EXT2: variants seen among roughly 807,000 people sequenced by gnomAD.
The protein encoded by EXT2 is exostosin glycosyltransferase 2, also known as exostosin-2.
Under a neutral mutation model 81.6 loss-of-function variants are expected in EXT2, and 53 were observed. The observed-to-expected ratio is 0.65, with a 90% CI of 0.52 to 0.82. EXT2 has a LOEUF of 0.82. EXT2 is among the 40% of genes least tolerant of loss of function. The pLI is 0.00. For synonymous variants in EXT2, 320 were observed against 340.0 expected, an observed-to-expected ratio of 0.94 and a Z score of 0.65; for missense variants, 774 against 910.2, an observed-to-expected ratio of 0.85 and a Z score of 1.93.
At chr11:44,216,574 G>A (rs1955722320) in intron 10 of EXT2, among the ~76,000 whole-genome samples, 1 of 152,162 alleles carries the variant, frequency 6.6e-6, no homozygotes, top group Non-Finnish European at 1.5e-5. Flanking sequence ...TGCCTGTACT[G>A]AGGAATAACG....
intron 7 of EXT2, among the ~76,000 whole-genome samples, chr11:44,135,672 A>G (rs1297865044): frequency 6.6e-6 from 1 of 152,198 alleles, no homozygotes; most frequent in Non-Finnish European, 1.5e-5. Context: ...GATTACAGGC[A>G]TGAGCCACTG....
chr11:44,223,382 G>A (rs1436106141), intron 10 of EXT2, among the ~76,000 whole-genome samples: 1 of 152,154 alleles, frequency 6.6e-6, no homozygotes, highest in East Asian at 1.9e-4. Flanking sequence ...ATCAGCCCAG[G>A]CATCCTTCAG....
At chr11:44,139,190 T>G (rs1455757400) in intron 7 of EXT2, among the ~76,000 whole-genome samples, 1 of 151,700 alleles carries the variant, frequency 6.6e-6, no homozygotes, top group Non-Finnish European at 1.5e-5. Context: ...AGTGACTCTT[T>G]AGCTGACCTT....
chr11:44,202,986 G>T (rs1176353745), intron 9 of EXT2, among the ~76,000 whole-genome samples: 1 of 152,156 alleles, frequency 6.6e-6, no homozygotes, highest in Non-Finnish European at 1.5e-5. Flanking sequence ...ACCTAAGTTA[G>T]TGCATTTGAA....
intron 1 of EXT2, among the ~76,000 whole-genome samples, chr11:44,107,056 G>A (rs1387391341): frequency 6.6e-6 from 1 of 152,032 alleles, no homozygotes; most frequent in African/African-American, 2.4e-5. Context: ...GCCTTGGTCA[G>A]AGCCCTCCTT....
In EXT2 at chr11:44,096,148, C is replaced by T. The variant is rs1224105925; in HGVS notation, c.-31+296C>T. On this transcript the variant is annotated intron_variant, in intron 1 of 13. Transcript: ENST00000533608. The stretch of plus-strand genomic sequence containing the variant: ...CTAGCCAACCTTCGCCCCCAGTCCG[C>T]TCCTTCCTTTCCTCCTGCGACCCGC... The T allele has an allele frequency of 2.7e-6, 3 of 1,131,472 alleles. No individual in the cohort carries two copies. The Admixed American group carries it at 5.9e-5, about 22-fold the overall frequency. 70.1% of individuals were successfully genotyped at this position (1,131,472 alleles called of 1,614,324 possible). A position where few individuals can be genotyped will look rare whatever the true frequency, so the allele number is the denominator to read the frequency against.
chr11:44,187,757 A>T (rs1382367304), intron 8 of EXT2, among the ~76,000 whole-genome samples: 2 of 152,186 alleles, frequency 1.3e-5, no homozygotes, highest in African/African-American at 4.8e-5. Context: ...AAAAGGTAGC[A>T]TTCCGTTAGC....
chr11:44,217,363 T>C (rs1417959224), intron 10 of EXT2, among the ~76,000 whole-genome samples: 5 of 152,176 alleles, frequency 3.3e-5, no homozygotes, highest in Non-Finnish European at 7.3e-5. Flanking sequence ...ATTTATTTAA[T>C]TGGAAGAAAA....
At position 44,135,390 on chromosome 11, in the gene EXT2, C is replaced by CTTT. The variant is rs10707708; in HGVS notation, c.1173+5269_1173+5271dup. On this transcript the variant is annotated intron_variant, in intron 7 of 13. Transcript: ENST00000533608. The stretch of plus-strand genomic sequence containing the variant: ...GGTATGAATAAAGAGGATGGAAATA[C>CTTT]TTTTTTTTTTTTTTTTTTTGAGACA... Among the ~76,000 whole-genome samples, 1,023 of 116,270 alleles carry CTTT rather than the reference C, an allele frequency of 8.8e-3. 18 individuals carry two copies. The highest frequency in any genetic ancestry group is 0.03 in the African/African-American group (987 of 32,950). 76.3% of individuals were successfully genotyped at this position (116,270 alleles called of 152,430 possible). A position where few individuals can be genotyped will look rare whatever the true frequency, so the allele number is the denominator to read the frequency against.
intron 10 of EXT2, among the ~76,000 whole-genome samples, chr11:44,215,356 T>G (rs1955705180): frequency 6.6e-6 from 1 of 152,242 alleles, no homozygotes; most frequent in Non-Finnish European, 1.5e-5. Context: ...TTATCTTCTT[T>G]GACACATATT....
chr11:44,189,778 A>G (rs12792891), intron 8 of EXT2, among the ~76,000 whole-genome samples: 39,171 of 152,180 alleles, frequency 0.26, 6,094 homozygotes, highest in Admixed American at 0.42. Context: ...GTGAAATGAA[A>G]TAGACATGTG....
intron 7 of EXT2, among the ~76,000 whole-genome samples, chr11:44,148,839 A>G (rs1289086899): frequency 6.6e-6 from 1 of 152,194 alleles, no homozygotes; most frequent in Non-Finnish European, 1.5e-5. Context: ...CATCGTCATT[A>G]TCTGAGGTCA....
chr11:44,236,155 C>T (rs983680661), intron 12 of EXT2, 138 bp from the exon 13 acceptor site: 31 of 766,544 alleles, frequency 4.0e-5, no homozygotes, highest in South Asian at 1.5e-4. Flanking sequence ...GGAGGAATGG[C>T]GAGGTGTGTG....
At chr11:44,179,291 T>C (rs1404023925) in intron 8 of EXT2, among the ~76,000 whole-genome samples, 1 of 152,176 alleles carries the variant, frequency 6.6e-6, no homozygotes, top group Non-Finnish European at 1.5e-5. Context: ...GTAACACACA[T>C]CTGCGTGGCA....
Position 44,126,855 on chromosome 11 carries a change from G to C in EXT2, c.979G>C (p.Gly327Arg), listed in dbSNP as rs200427972. ...FCVVLRGARL[G>R]QAVLSDVLQA... ...TGTGGTTCTTCGTGGAGCTCGGCTG[G>C]GCCAGGCAGTATTGAGCGATGTGTT... Residue 327 changes from glycine (G) to arginine (R), a missense_variant, in exon 6 of 14, where the codon GGC (glycine) becomes CGC (arginine). Around this residue, in one of 2 missense-constraint regions of EXT2, gnomAD observed 626 missense variants for 670.5 expected, o/e 0.93. Transcript: ENST00000533608. The C allele has an allele frequency of 3.4e-5, 55 of 1,613,968 alleles. No individual in the cohort carries two copies. The highest frequency in any genetic ancestry group is 4.5e-5 in the Non-Finnish European group (53 of 1,180,020).
At chr11:44,149,640 T>A (rs1954766758) in intron 7 of EXT2, among the ~76,000 whole-genome samples, 1 of 152,246 alleles carries the variant, frequency 6.6e-6, no homozygotes, top group Non-Finnish European at 1.5e-5. Flanking sequence ...TTAGACCTCT[T>A]CCCTACATTT....
At chr11:44,176,524 A>G (rs1025962189) in intron 8 of EXT2, among the ~76,000 whole-genome samples, 4 of 152,150 alleles carry the variant, frequency 2.6e-5, no homozygotes, top group African/African-American at 4.8e-5. Context: ...TATTTATCAC[A>G]TTTCTAGCTC....
intron 7 of EXT2, among the ~76,000 whole-genome samples, chr11:44,169,964 A>G (rs1304966710): frequency 2.6e-5 from 4 of 152,242 alleles, no homozygotes; most frequent in Non-Finnish European, 5.9e-5. Context: ...CACACACCCC[A>G]CACAATCCAT....
chr11:44,218,675 T>C (rs1955747084), intron 10 of EXT2, among the ~76,000 whole-genome samples: 1 of 152,158 alleles, frequency 6.6e-6, no homozygotes, highest in Admixed American at 6.5e-5. Context: ...GCCTCACTAA[T>C]TGGAGAATTC....
Sources: gnomAD v4.1 joint callset for allele counts (sites outside exome capture counted in the v4.1 genomes callset) on GRCh38, gnomAD v4.1.1 for gene constraint, gnomAD v4.1.1 regional missense constraint, MANE v1.5 for transcripts, NCBI Gene and HGNC (gene_info 2026-07-23, HGNC 2026-07-21) for gene names.